The following BICRA variants were observed in gnomAD, a reference collection of about 807,000 sequenced individuals.
BICRA encodes the protein BRD4 interacting chromatin remodeling complex associated protein.
BICRA carries 31 observed loss-of-function variants against 96.9 expected under a neutral mutation model. The observed-to-expected ratio is 0.32, with a 90% CI of 0.24 to 0.43. The LOEUF (loss-of-function observed/expected upper bound fraction) is 0.43. Among genes scored for constraint, BICRA ranks in the 20% least tolerant of loss-of-function variants. The pLI is 1.00. For synonymous variants in BICRA, 1,350 were observed against 1,071.8 expected, an observed-to-expected ratio of 1.26 and a Z score of -5.07; for missense variants, 2,283 against 2,190.3, an observed-to-expected ratio of 1.04 and a Z score of -0.84.
chr19:47,646,248 C>T (rs1244001201), intron 1 of BICRA, among the ~76,000 whole-genome samples: 1 of 152,194 alleles, frequency 6.6e-6, no homozygotes, highest in African/African-American at 2.4e-5. Flanking sequence ...GTCCCCAGAC[C>T]TGGGATTTCT....
In BICRA at chr19:47,627,014, G is replaced by A. The variant is rs56989307; in HGVS notation, c.-108+17846G>A. 7.0e-3 allele frequency among the ~76,000 whole-genome samples: 1,059 copies of A among 152,074 alleles called. 20 individuals carry two copies. Among genetic ancestry groups the A allele is most frequent in the African/African-American group, 0.024 (989 of 41,484 alleles). ...TGGGATTACAGGCGTGAGCCACCGC[G>A]CTTGGTCCACCCTGGGTTTTTATTC... On this transcript the variant is annotated intron_variant, in intron 1 of 14. Coordinates refer to ENST00000594866, the MANE Select transcript of BICRA (RefSeq NM_001394372.1).
chr19:47,620,407 C>A (rs1972047244), intron 1 of BICRA, among the ~76,000 whole-genome samples: 1 of 152,002 alleles, frequency 6.6e-6, no homozygotes, highest in African/African-American at 2.4e-5. Context: ...TGGCTCACAC[C>A]TCTAATCCCA....
intron 7 of BICRA, among the ~76,000 whole-genome samples, chr19:47,683,765 T>C (rs1973102668): frequency 6.6e-6 from 1 of 152,134 alleles, no homozygotes; most frequent in African/African-American, 2.4e-5. Context: ...TTTGTATTTT[T>C]AGTAGAGACG....
intron 1 of BICRA, among the ~76,000 whole-genome samples, chr19:47,645,641 G>A (rs7247837): frequency 0.13 from 19,308 of 152,214 alleles, 1,336 homozygotes; most frequent in East Asian, 0.18. Context: ...TTCCAAAAAC[G>A]CAGATAACAC....
intron 1 of BICRA, among the ~76,000 whole-genome samples, chr19:47,669,980 G>T (rs116060101): frequency 0.017 from 2,116 of 120,956 alleles, 52 homozygotes; most frequent in African/African-American, 0.062. Flanking sequence ...TTGAGACAGG[G>T]TCTCACTGTC....
At position 47,629,292 on chromosome 19, in the gene BICRA, C is replaced by A. The variant is rs576841813; in HGVS notation, c.-108+20124C>A. ...TGCTGGGATTACAGGCGTGAGCCAC[C>A]ACACCCGGCGTCCAACTGAAACTTT... On this transcript the variant is annotated intron_variant, in intron 1 of 14. Coordinates refer to ENST00000594866, the MANE Select transcript of BICRA (RefSeq NM_001394372.1). 3.3e-5 allele frequency among the ~76,000 whole-genome samples: 5 copies of A among 152,298 alleles called. No homozygotes were observed. In the South Asian group the frequency reaches 8.3e-4, roughly 25 times the overall value.
At position 47,680,236 on chromosome 19, in the gene BICRA, G is replaced by C. The variant is rs923356344; in HGVS notation, c.1066G>C (p.Ala356Pro). The change falls in exon 6 of 15, where the codon GCG (alanine) becomes CCG (proline). Residue 356 changes from alanine to proline, a missense_variant. Transcript: ENST00000594866. ...RTPTPIQPKPAGVLPPKLYQL... is the reference protein window; with the variant it reads ...RTPTPIQPKPPGVLPPKLYQL... Reference sequence around the variant, plus strand: ...ACCCACGCCCATCCAGCCCAAGCCCGCGGGGGTGCTGCCGCCCAAGCTCTA... The same window carrying C: ...ACCCACGCCCATCCAGCCCAAGCCCCCGGGGGTGCTGCCGCCCAAGCTCTA... 13 of 1,559,890 alleles carry C rather than the reference G, an allele frequency of 8.3e-6. No individual in the cohort carries two copies. The highest frequency in any genetic ancestry group is 1.4e-5 in the African/African-American group (1 of 73,248).
chr19:47,675,946 G>A lies in BICRA; in HGVS notation c.150+30G>A. The A allele has an allele frequency of 6.5e-7, 1 of 1,528,360 alleles. No individual in the cohort carries two copies. The highest frequency in any genetic ancestry group is 1.2e-5 in the South Asian group (1 of 86,176). The allele number at this position is 1,528,360 out of a possible 1,614,324, so 94.7% of individuals were successfully genotyped here. ...GTGCCGTGGCTCCCGATCATTGCCTGAGCTGTTGGGGCTGCCAGCGGGAGG... is the reference window on the plus strand; with the variant it reads ...GTGCCGTGGCTCCCGATCATTGCCTAAGCTGTTGGGGCTGCCAGCGGGAGG... On this transcript the variant is annotated intron_variant, in intron 5 of 14. Coordinates refer to ENST00000594866, the MANE Select transcript of BICRA (RefSeq NM_001394372.1). This position sits in a 1 kb window ranked among gnomAD's most constrained non-coding sequence, Gnocchi z 4.7.
chr19:47,684,588 G>A (rs1005817935), intron 7 of BICRA, among the ~76,000 whole-genome samples: 1 of 152,176 alleles, frequency 6.6e-6, no homozygotes, highest in African/African-American at 2.4e-5. Context: ...CCAGAGTGCT[G>A]GGATGACAGG....
chr19:47,620,986 CTGCCTCCCTGG>C (rs1299350841), intron 1 of BICRA, among the ~76,000 whole-genome samples: 1 of 152,138 alleles, frequency 6.6e-6, no homozygotes, highest in African/African-American at 2.4e-5. Flanking sequence ...CTGACCCTGG[CTGCCTCCCTGG>C]TGCCTCTGTG....
At chr19:47,674,653 T>C (rs115108837) in intron 4 of BICRA, among the ~76,000 whole-genome samples, 2,849 of 152,210 alleles carry the variant, frequency 0.019, 79 homozygotes, top group African/African-American at 0.065. Flanking sequence ...CATCCAAAGG[T>C]TTGACTGGGG....
Position 47,682,070 on chromosome 19 carries a change from C to A in BICRA, c.2201C>A (p.Ala734Asp). 2 of 1,519,646 alleles carry A rather than the reference C, an allele frequency of 1.3e-6. No homozygotes were observed. The highest frequency in any genetic ancestry group is 1.8e-6 in the Non-Finnish European group (2 of 1,119,964). The allele number at this position is 1,519,646 out of a possible 1,614,324, so 94.1% of individuals were successfully genotyped here. Residue 734 changes from alanine to aspartate, a missense_variant, in exon 7 of 15, where the codon GCC becomes GAC. Ala to Asp is a moderately radical substitution (Grantham distance 126, BLOSUM62 -2). Transcript: ENST00000594866. ...GCCCCGCCTCCCGCCCAAGACCCAG[C>A]CCCAGCCACCCCCGTCGCCAAAGGA... is the stretch of plus-strand genomic sequence containing the variant. ...VSAPPPAQDPAPATPVAKGAG... is the reference protein window; with the variant it reads ...VSAPPPAQDPDPATPVAKGAG...
At chr19:47,646,836 C>T (rs1191031758) in intron 1 of BICRA, among the ~76,000 whole-genome samples, 2 of 152,206 alleles carry the variant, frequency 1.3e-5, no homozygotes, top group South Asian at 2.1e-4. Flanking sequence ...CCATGTAAAT[C>T]GTTCACCACA....
chr19:47,631,505 G>A (rs1972221794), intron 1 of BICRA, among the ~76,000 whole-genome samples: 1 of 152,062 alleles, frequency 6.6e-6, no homozygotes, highest in African/African-American at 2.4e-5. Flanking sequence ...TGGGATTATA[G>A]GCATGAGCCA....
In BICRA at chr19:47,680,563, A is replaced by G. The variant is rs781498159; in HGVS notation, c.1393A>G (p.Met465Val). 6.3e-7 allele frequency: 1 copy of G among 1,595,958 alleles called. No homozygotes were observed. The highest frequency in any genetic ancestry group is 1.7e-5 in the Admixed American group (1 of 57,638). ...GSSIVIPAQH[M>V]LPGQNQFLLP... is the part of the protein sequence containing the mutation. ...CAGCATCGTCATCCCCGCCCAGCAC[A>G]TGCTGCCGGGCCAGAACCAGTTCCT... The change falls in exon 6 of 15, where the codon ATG becomes GTG. Residue 465 changes from methionine (M) to valine (V), a missense_variant. By Grantham distance (21) the Met-to-Val change is conservative (BLOSUM62 1). Coordinates refer to ENST00000594866, the MANE Select transcript of BICRA (RefSeq NM_001394372.1).
Position 47,699,064 on chromosome 19 carries a change from G to A in BICRA, c.3492+5G>A. 6.5e-7 allele frequency: 1 copy of A among 1,544,228 alleles called. No individual in the cohort carries two copies. On this transcript the variant is annotated splice_donor_5th_base_variant and intron_variant, in intron 13 of 14. Transcript: ENST00000594866. The surrounding 1 kb of genome is among the most constrained non-coding windows in gnomAD (Gnocchi z 5.0). ...CTGCTCCTGGAGGAGTCCCGGGTAG[G>A]GTCAGAGTCGCCTTCCTCGCCTCTG...
At chr19:47,687,316 GA>G (rs1270283888) in intron 7 of BICRA, among the ~76,000 whole-genome samples, 1 of 152,062 alleles carries the variant, frequency 6.6e-6, no homozygotes, top group African/African-American at 2.4e-5. Flanking sequence ...GTATTCTTAT[GA>G]TTTTTTTTCT....
At chr19:47,672,326 G>A (rs957450201) in intron 2 of BICRA, among the ~76,000 whole-genome samples, 2 of 148,514 alleles carry the variant, frequency 1.3e-5, no homozygotes, top group African/African-American at 5.0e-5. Context: ...ATGGATGGAA[G>A]GATGGAGGAT....
At chr19:47,676,272 G>A (rs1315639655) in intron 5 of BICRA, among the ~76,000 whole-genome samples, 1 of 152,036 alleles carries the variant, frequency 6.6e-6, no homozygotes, top group Non-Finnish European at 1.5e-5. Flanking sequence ...GAGAGCAGAG[G>A]GCTGGGGGAG....
Sources: gnomAD v4.1 joint callset for allele counts (sites outside exome capture counted in the v4.1 genomes callset) on GRCh38, gnomAD v4.1.1 for gene constraint, Gnocchi (gnomAD v3.1) non-coding constraint, MANE v1.5 for transcripts, NCBI Gene and HGNC (gene_info 2026-07-23, HGNC 2026-07-21) for gene names.